Variants in SLC9A9 observed in about 807,000 individuals in gnomAD.
SLC9A9 encodes the protein sodium/hydrogen exchanger 9.
In SLC9A9, 62 loss-of-function variants were observed where a neutral mutation model predicts 77.8. The observed-to-expected ratio is 0.80, with a 90% CI of 0.65 to 0.98. SLC9A9 has a LOEUF of 0.98. Among genes scored for constraint, SLC9A9 ranks in the 50% least tolerant of loss-of-function variants. The pLI is 0.00. For synonymous variants in SLC9A9, 320 were observed against 283.5 expected, an observed-to-expected ratio of 1.13 and a Z score of -1.29; for missense variants, 775 against 774.9, an observed-to-expected ratio of 1.00 and a Z score of 0.00.
At chr3:143,268,541 G>C (rs1255273941) in intron 15 of SLC9A9, among the ~76,000 whole-genome samples, 1 of 151,932 alleles carries the variant, frequency 6.6e-6, no homozygotes, top group Non-Finnish European at 1.5e-5. Context: ...AGACCATCCT[G>C]GGTAAAATGG....
At chr3:143,650,472 G>T (rs867229225) in intron 6 of SLC9A9, among the ~76,000 whole-genome samples, 40 of 152,324 alleles carry the variant, frequency 2.6e-4, no homozygotes, top group African/African-American at 9.6e-4. Context: ...AGGAGGAAAT[G>T]GTGAGCAGCA....
chr3:143,588,499 A>G (rs2037593421), intron 6 of SLC9A9, among the ~76,000 whole-genome samples: 2 of 152,258 alleles, frequency 1.3e-5, no homozygotes, highest in African/African-American at 4.8e-5. Flanking sequence ...TGGTCCATTA[A>G]GTTCCAACTT....
intron 12 of SLC9A9, among the ~76,000 whole-genome samples, chr3:143,440,446 G>T (rs1041926388): frequency 6.6e-6 from 1 of 152,164 alleles, no homozygotes; most frequent in Non-Finnish European, 1.5e-5. Context: ...CAAGGAGTTT[G>T]GCCCCTAACT....
At chr3:143,399,368 G>T (rs2033800861) in intron 12 of SLC9A9, among the ~76,000 whole-genome samples, 1 of 152,126 alleles carries the variant, frequency 6.6e-6, no homozygotes, top group Non-Finnish European at 1.5e-5. Context: ...TTGCGTGCAT[G>T]ACTATGTTAA....
At chr3:143,754,756 G>A (rs2006867256) in intron 4 of SLC9A9, among the ~76,000 whole-genome samples, 1 of 152,120 alleles carries the variant, frequency 6.6e-6, no homozygotes, top group Non-Finnish European at 1.5e-5. Context: ...TTCTGGAGAT[G>A]TTCAAAAGGA....
At position 143,811,873 on chromosome 3, in the gene SLC9A9, A is replaced by G. The variant is rs1261235092; in HGVS notation, c.379-14970T>C. The G allele has an allele frequency of 7.2e-5, 24 of 334,388 alleles. 1 individual carries two copies. Among genetic ancestry groups the G allele is most frequent in the Non-Finnish European group, 1.2e-4 (20 of 173,478 alleles). 20.7% of individuals were successfully genotyped at this position (334,388 alleles called of 1,614,324 possible). A position where few individuals can be genotyped will look rare whatever the true frequency, so the allele number is the denominator to read the frequency against. ...AGAGATCTTGTCTAAAAAGAAAAAA[A>G]AAAAAGAAAAAGAAAAGAAAAACAA... On this transcript the variant is annotated intron_variant, in intron 2 of 15. Coordinates refer to ENST00000316549, the MANE Select transcript of SLC9A9 (RefSeq NM_173653.4).
intron 13 of SLC9A9, among the ~76,000 whole-genome samples, chr3:143,376,522 CATAGGT>C (rs2033183617): frequency 6.6e-6 from 1 of 152,208 alleles, no homozygotes; most frequent in Non-Finnish European, 1.5e-5. Flanking sequence ...TATATATACA[CATAGGT>C]ATATAATTGT....
chr3:143,743,395 C>T (rs58306502), intron 4 of SLC9A9, among the ~76,000 whole-genome samples: 3,132 of 152,158 alleles, frequency 0.021, 110 homozygotes, highest in African/African-American at 0.071. Context: ...CAGCTCTGTC[C>T]AAGTCCAAAA....
intron 1 of SLC9A9, among the ~76,000 whole-genome samples, chr3:143,834,647 T>C (rs1348503640): frequency 6.7e-6 from 1 of 149,084 alleles, no homozygotes; most frequent in Non-Finnish European, 1.5e-5. Context: ...CCACTATTAG[T>C]TCCCAAGCAG....
Position 143,796,961 on chromosome 3 carries a change from A to AG in SLC9A9, c.379-59_379-58insC, listed in dbSNP as rs1403225706. ...GATGCTCCTTTGGGTCATTAAAAAA[A>AG]CATGTTTCAAAAAACAGTTGTAATT... On this transcript the variant is annotated intron_variant, in intron 2 of 15. Transcript: ENST00000316549. The AG allele has an allele frequency of 5.0e-6, 7 of 1,392,494 alleles. No individual in the cohort carries two copies. In the East Asian group the frequency reaches 1.6e-4, roughly 32 times the overall value. The allele number at this position is 1,392,494 out of a possible 1,614,324, so 86.3% of individuals were successfully genotyped here. A position where few individuals can be genotyped will look rare whatever the true frequency, so the allele number is the denominator to read the frequency against.
At chr3:143,397,047 C>T (rs1313524713) in intron 12 of SLC9A9, among the ~76,000 whole-genome samples, 1 of 152,184 alleles carries the variant, frequency 6.6e-6, no homozygotes, top group East Asian at 1.9e-4. Flanking sequence ...GCACAACTTC[C>T]CTTGAGTTTG....
At chr3:143,411,641 A>G (rs1427000172) in intron 12 of SLC9A9, among the ~76,000 whole-genome samples, 1 of 152,102 alleles carries the variant, frequency 6.6e-6, no homozygotes, top group African/African-American at 2.4e-5. Flanking sequence ...TACTCTAATT[A>G]TATCTTTGTT....
intron 1 of SLC9A9, among the ~76,000 whole-genome samples, chr3:143,832,569 T>C (rs569471071): frequency 1.3e-5 from 2 of 152,256 alleles, no homozygotes; most frequent in African/African-American, 4.8e-5. Flanking sequence ...AATCAGGAGA[T>C]GGAATTCCCC....
At chr3:143,397,868 A>G (rs898183263) in intron 12 of SLC9A9, among the ~76,000 whole-genome samples, 4 of 152,212 alleles carry the variant, frequency 2.6e-5, no homozygotes, top group African/African-American at 9.6e-5. Context: ...TACTTTGACA[A>G]TAAGGGGGGA....
chr3:143,774,922 C>T (rs1302843473), intron 4 of SLC9A9, among the ~76,000 whole-genome samples: 2 of 152,192 alleles, frequency 1.3e-5, no homozygotes, highest in African/African-American at 4.8e-5. Context: ...GCTTTTCTGG[C>T]TTCTCTAATC....
At chr3:143,641,150 C>G (rs1306876781) in intron 6 of SLC9A9, among the ~76,000 whole-genome samples, 1 of 152,022 alleles carries the variant, frequency 6.6e-6, no homozygotes, top group Non-Finnish European at 1.5e-5. Context: ...GGAGAGCTTC[C>G]AGAGAGAACA....
At chr3:143,495,544 CT>C in intron 9 of SLC9A9, 96 bp from the exon 10 acceptor site, 1 of 933,832 alleles carries the variant, frequency 1.1e-6, no homozygotes, top group Non-Finnish European at 1.7e-6. Context: ...ACTGGGTCTC[CT>C]TTATCTGGAA....
intron 14 of SLC9A9, among the ~76,000 whole-genome samples, chr3:143,348,087 C>T (rs2032346285): frequency 6.6e-6 from 1 of 151,186 alleles, no homozygotes; most frequent in Non-Finnish European, 1.5e-5. Flanking sequence ...GATCTCCGCT[C>T]ACTGCAACCT....
intron 1 of SLC9A9, among the ~76,000 whole-genome samples, chr3:143,843,057 AAATCATCAAGATTAAGAAACT>A (rs2009745594): frequency 7.7e-6 from 1 of 129,136 alleles, no homozygotes; most frequent in African/African-American, 4.4e-5. Flanking sequence ...ACTGAAAAAA[AAATCATCAAGATTAAGAAACT>A]TAAATCTCCA....
Sources: allele counts gnomAD v4.1 joint callset (sites outside exome capture counted in the v4.1 genomes callset), GRCh38; gene constraint gnomAD v4.1.1; transcripts MANE v1.5; gene names NCBI Gene and HGNC (gene_info 2026-07-23, HGNC 2026-07-21).